SNX29: variants seen among roughly 807,000 people sequenced by gnomAD.
SNX29 encodes sorting nexin-29.
SNX29 carries 78 observed loss-of-function variants against 102.1 expected under a neutral mutation model. The ratio of observed to expected loss-of-function variants is 0.76; its 90% CI spans 0.64 to 0.92. The LOEUF (loss-of-function observed/expected upper bound fraction) is 0.92, where lower values mean the gene tolerates loss of function less well. SNX29 is among the 40% of genes least tolerant of loss of function. SNX29 has a pLI of 0.00. For missense variants in SNX29, 1,280 were observed against 1,061.7 expected, an observed-to-expected ratio of 1.21 and a Z score of -2.86; for synonymous variants, 580 against 414.5, an observed-to-expected ratio of 1.40 and a Z score of -4.85.
chr16:12,325,748 C>T (rs2081093425), intron 15 of SNX29, among the ~76,000 whole-genome samples: 1 of 151,988 alleles, frequency 6.6e-6, no homozygotes, highest in African/African-American at 2.4e-5. Context: ...AATTTTTGGC[C>T]AGGCACAGGG....
intron 19 of SNX29, among the ~76,000 whole-genome samples, chr16:12,483,814 C>T (rs1353828342): frequency 1.3e-5 from 2 of 152,178 alleles, no homozygotes; most frequent in Non-Finnish European, 2.9e-5. Context: ...GCAACAAGAA[C>T]AAGGAGTAGG....
chr16:12,033,131 A>AG (rs1387577607), intron 4 of SNX29, among the ~76,000 whole-genome samples: 4 of 152,204 alleles, frequency 2.6e-5, no homozygotes, highest in African/African-American at 9.7e-5. Flanking sequence ...CTGGAAGTAC[A>AG]GGTGCGAGCC....
intron 11 of SNX29, chr16:12,089,794 A>AG (rs1567197237): frequency 2.8e-6 from 1 of 354,110 alleles, no homozygotes; most frequent in Non-Finnish European, 5.4e-6. Context: ...GCAGGCTCTG[A>AG]AGCCTGCTTG....
At chr16:12,018,798 T>G in intron 3 of SNX29, among the ~76,000 whole-genome samples, 1 of 151,152 alleles carries the variant, frequency 6.6e-6, no homozygotes, top group African/African-American at 2.4e-5. Context: ...ATATTGCCCA[T>G]GCAGGTCTCG....
At chr16:12,387,697 A>G (rs2083386481) in intron 16 of SNX29, among the ~76,000 whole-genome samples, 1 of 152,072 alleles carries the variant, frequency 6.6e-6, no homozygotes, top group Non-Finnish European at 1.5e-5. Flanking sequence ...TTCTGTTAAT[A>G]AGTGTTGAGG....
At position 12,060,816 on chromosome 16, in the gene SNX29, C is replaced by T. The variant is rs542248587; in HGVS notation, c.1125-712C>T. ...ACTGCCTGGCGTTTCGAAGATGGCA[C>T]GCATTAGAGATTTGTACTTTGTGGG... On this transcript the variant is annotated intron_variant, in intron 8 of 20. Transcript: ENST00000566228. 57 of 456,268 alleles carry T rather than the reference C, an allele frequency of 1.2e-4. 1 individual carries two copies. The highest frequency in any genetic ancestry group is 7.3e-4 in the South Asian group (47 of 64,570). The allele number at this position is 456,268 out of a possible 1,614,324, so 28.3% of individuals were successfully genotyped here.
chr16:12,389,044 T>C (rs530310775), intron 16 of SNX29, among the ~76,000 whole-genome samples: 2 of 152,258 alleles, frequency 1.3e-5, no homozygotes, highest in Non-Finnish European at 2.9e-5. Flanking sequence ...TGCTCAGTGG[T>C]CCCAGGCCAA....
At chr16:12,046,480 A>T (rs772614968) in intron 6 of SNX29, 26 bp downstream of exon 6, 11 of 1,612,588 alleles carry the variant, frequency 6.8e-6, no homozygotes, top group Non-Finnish European at 9.3e-6. Context: ...ACCAGGGTGC[A>T]GGGCCTTGTG....
chr16:12,277,925 C>G lies in SNX29; in HGVS notation c.1679-8C>G. On this transcript the variant is annotated splice_region_variant and splice_polypyrimidine_tract_variant and intron_variant, in intron 14 of 20. Coordinates refer to ENST00000566228, the MANE Select transcript of SNX29 (RefSeq NM_032167.5). ...AAATATTTATGACATGTCTCTCTTT[C>G]TCTAAAGTGCCAAATCTTTGGAGTG... is the stretch of plus-strand genomic sequence containing the variant. The G allele has an allele frequency of 1.3e-6, 2 of 1,598,750 alleles. No individual in the cohort carries two copies. Among genetic ancestry groups the G allele is most frequent in the Non-Finnish European group, 1.7e-6 (2 of 1,171,896 alleles).
intron 11 of SNX29, among the ~76,000 whole-genome samples, chr16:12,113,348 G>A (rs925893649): frequency 1.3e-4 from 20 of 152,128 alleles, no homozygotes; most frequent in Non-Finnish European, 2.8e-4. Flanking sequence ...TAGAGTCGCC[G>A]AGCCGGGCTG....
At chr16:12,524,341 C>T (rs1313518575) in intron 19 of SNX29, among the ~76,000 whole-genome samples, 3 of 151,618 alleles carry the variant, frequency 2.0e-5, no homozygotes, top group Admixed American at 6.6e-5. Flanking sequence ...TTTGTGTCTC[C>T]CTCGCTGGCC....
At chr16:12,211,144 T>A (rs1309866262) in intron 14 of SNX29, among the ~76,000 whole-genome samples, 4 of 152,172 alleles carry the variant, frequency 2.6e-5, no homozygotes, top group Non-Finnish European at 5.9e-5. Flanking sequence ...GGGCACCGTT[T>A]CATTCATTCA....
chr16:12,431,176 G>C (rs1597357096), intron 18 of SNX29, among the ~76,000 whole-genome samples: 2 of 152,048 alleles, frequency 1.3e-5, no homozygotes, highest in African/African-American at 2.4e-5. Context: ...ATGTGGAGTT[G>C]GGAGTGAGTG....
chr16:11,993,041 C>T (rs777979326), intron 1 of SNX29, among the ~76,000 whole-genome samples: 20 of 151,760 alleles, frequency 1.3e-4, no homozygotes, highest in South Asian at 4.2e-4. Flanking sequence ...GGTGGGCACC[C>T]GTAATCCCAG....
At chr16:12,184,883 C>G (rs1596457629) in intron 13 of SNX29, among the ~76,000 whole-genome samples, 1 of 152,178 alleles carries the variant, frequency 6.6e-6, no homozygotes, top group East Asian at 1.9e-4. Flanking sequence ...CAGTCATTAG[C>G]TGTCAAGGGG....
At chr16:12,401,359 A>ATTTTTTTTTTTTTTTTTTTTTTTTTTTT (rs35886680) in intron 17 of SNX29, among the ~76,000 whole-genome samples, 4 of 101,500 alleles carry the variant, frequency 3.9e-5, no homozygotes, top group Non-Finnish European at 5.8e-5. Flanking sequence ...ATAGAGTTAA[A>ATTTTTTTTTTTTTTTTTTTTTTTTTTTT]TTTTTTTTTT....
At chr16:12,013,089 G>A (rs1333542475) in intron 3 of SNX29, among the ~76,000 whole-genome samples, 1 of 151,480 alleles carries the variant, frequency 6.6e-6, no homozygotes, top group Non-Finnish European at 1.5e-5. Flanking sequence ...CAGGGACTGG[G>A]GAAGAGACAG....
At chr16:12,108,371 A>C (rs904443118) in intron 11 of SNX29, among the ~76,000 whole-genome samples, 1 of 152,208 alleles carries the variant, frequency 6.6e-6, no homozygotes, top group Non-Finnish European at 1.5e-5. Context: ...AGTGGCTTCC[A>C]TGAGAAAAAG....
rs1467457740 is a variant in SNX29 at position 12,569,422 on chromosome 16, C to G, written c.*793C>G. 6 of 230,548 alleles carry G rather than the reference C, an allele frequency of 2.6e-5. No individual in the cohort carries two copies. Among genetic ancestry groups the G allele is most frequent in the Admixed American group, 5.7e-5 (1 of 17,642 alleles). The allele number at this position is 230,548 out of a possible 1,614,324, so 14.3% of individuals were successfully genotyped here. A position where few individuals can be genotyped will look rare whatever the true frequency, so the allele number is the denominator to read the frequency against. ...CAGCAACCTAGTAACCCGGCGTCAT[C>G]CAGCGTGTCCAAAGTAGCATTGGCC... On this transcript the variant is annotated 3_prime_UTR_variant, in exon 21 of 21. Transcript: ENST00000566228.
Sources: gnomAD v4.1 joint callset for allele counts (sites outside exome capture counted in the v4.1 genomes callset) on GRCh38, gnomAD v4.1.1 for gene constraint, MANE v1.5 for transcripts, NCBI Gene and HGNC (gene_info 2026-07-23, HGNC 2026-07-21) for gene names.